Variants in AKAP11 observed in about 807,000 individuals in gnomAD.
AKAP11 encodes the protein A-kinase anchoring protein 11.
A neutral mutation model predicts 146.1 loss-of-function variants in AKAP11; 36 were observed. That is an observed-to-expected ratio of 0.25 (90% CI 0.19 to 0.33). AKAP11 has a LOEUF of 0.33. Ranked by LOEUF, AKAP11 falls within the 10% of genes least tolerant of loss-of-function variation. AKAP11 has a pLI of 1.00. For synonymous variants in AKAP11, 780 were observed against 786.5 expected, an observed-to-expected ratio of 0.99 and a Z score of 0.14; for missense variants, 2,201 against 2,197.0, an observed-to-expected ratio of 1.00 and a Z score of -0.04.
rs772644842 is a variant in AKAP11 at position 42,301,449 on chromosome 13, T to A, written c.2703T>A (p.Asp901Glu). ...MTSLEVTKMV[D>E]ERTDYLTKSL... ...CATTGGAAGTTACAAAAATGGTTGA[T>A]GAACGTACAGATTATTTAACTAAAT... is the stretch of plus-strand genomic sequence containing the variant. The change falls in exon 8 of 13, where the codon GAT becomes GAA. Residue 901 changes from aspartate to glutamate, a missense_variant. Coordinates refer to ENST00000025301, the MANE Select transcript of AKAP11 (RefSeq NM_016248.4). 1.2e-6 allele frequency: 2 copies of A among 1,613,372 alleles called. No individual in the cohort carries two copies. Among genetic ancestry groups the A allele is most frequent in the African/African-American group, 2.7e-5 (2 of 74,870 alleles).
intron 1 of AKAP11, among the ~76,000 whole-genome samples, chr13:42,281,062 T>C (rs1959048731): frequency 6.6e-6 from 1 of 152,154 alleles, no homozygotes; most frequent in Non-Finnish European, 1.5e-5. Flanking sequence ...TGGAAGTGTC[T>C]AATAGGAAAT....
chr13:42,302,236 T>C lies in AKAP11; in HGVS notation c.3490T>C (p.Leu1164=), dbSNP rs1203712495. 6.2e-7 allele frequency: 1 copy of C among 1,614,080 alleles called. No homozygotes were observed. Among genetic ancestry groups the C allele is most frequent in the East Asian group, 2.2e-5 (1 of 44,886 alleles). The change falls in exon 8 of 13, where the codon TTG becomes CTG. Residue 1164 remains leucine, a synonymous_variant. Coordinates refer to ENST00000025301, the MANE Select transcript of AKAP11 (RefSeq NM_016248.4). The stretch of plus-strand genomic sequence containing the variant: ...TACTATAGAAAAAGAAGAGTTCATG[T>C]TGAAACTCATGCGATCTCTTTCTGA... ...QNTIEKEEFM[L]KLMRSLSEEV... is the part of the protein sequence containing the mutation.
At chr13:42,293,402 A>G (rs959030657) in intron 4 of AKAP11, among the ~76,000 whole-genome samples, 1 of 152,122 alleles carries the variant, frequency 6.6e-6, no homozygotes, top group Admixed American at 6.5e-5. Flanking sequence ...ATTCCTTGAG[A>G]AATTCTCTAT....
intron 1 of AKAP11, among the ~76,000 whole-genome samples, chr13:42,273,783 G>A (rs1298879693): frequency 2.0e-5 from 3 of 152,032 alleles, no homozygotes; most frequent in Admixed American, 6.6e-5. Context: ...GAAAAAATAC[G>A]GTACTTTTAA....
At position 42,321,893 on chromosome 13, in the gene AKAP11, A is replaced by G. The variant is rs1005632786; in HGVS notation, c.*2665A>G. The G allele has an allele frequency of 2.8e-4, 43 of 152,310 alleles. No homozygotes were observed. Among genetic ancestry groups the G allele is most frequent in the African/African-American group, 9.2e-4 (38 of 41,450 alleles). The allele number at this position is 152,310 out of a possible 1,614,324, so 9.4% of individuals were successfully genotyped here. A position where few individuals can be genotyped will look rare whatever the true frequency, so the allele number is the denominator to read the frequency against. Reference sequence around the variant, plus strand: ...GTTTTTACCAGTTTCAAAACCTTCAAGTGATATGTGGAAAAAAGTGAATGA... The same window carrying G: ...GTTTTTACCAGTTTCAAAACCTTCAGGTGATATGTGGAAAAAAGTGAATGA... On this transcript the variant is annotated 3_prime_UTR_variant, in exon 13 of 13. Coordinates refer to ENST00000025301, the MANE Select transcript of AKAP11 (RefSeq NM_016248.4).
chr13:42,289,104 C>A (rs991332985), intron 3 of AKAP11, among the ~76,000 whole-genome samples: 4 of 152,022 alleles, frequency 2.6e-5, no homozygotes, highest in African/African-American at 7.2e-5. Context: ...TCCTTTTTTT[C>A]CCCCAACAAC....
chr13:42,303,275 C>G lies in AKAP11; in HGVS notation c.4529C>G (p.Ser1510Cys). Residue 1510 changes from serine (S) to cysteine (C), a missense_variant, in exon 8 of 13, where the codon TCT becomes TGT. Coordinates refer to ENST00000025301, the MANE Select transcript of AKAP11 (RefSeq NM_016248.4). ...ECHVTPELPK[S>C]LQPSSQNHRF... The stretch of plus-strand genomic sequence containing the variant: ...CACGTTACACCAGAATTGCCTAAGT[C>G]TCTTCAGCCTTCCTCACAAAATCAC... 1 of 1,613,330 alleles carries G rather than the reference C, an allele frequency of 6.2e-7. No homozygotes were observed. Among genetic ancestry groups the G allele is most frequent in the South Asian group, 1.1e-5 (1 of 91,058 alleles).
intron 1 of AKAP11, among the ~76,000 whole-genome samples, chr13:42,280,578 T>G (rs1173955129): frequency 2.0e-5 from 3 of 152,238 alleles, no homozygotes; most frequent in Non-Finnish European, 4.4e-5. Context: ...CAGCAGATGT[T>G]TGAATGCCTA....
Position 42,299,868 on chromosome 13 carries a change from T to C in AKAP11, c.1122T>C (p.Phe374=). 2.5e-6 allele frequency: 4 copies of C among 1,613,876 alleles called. No homozygotes were observed. Among genetic ancestry groups the C allele is most frequent in the Non-Finnish European group, 2.5e-6 (3 of 1,179,870 alleles). ...AACAAACTTTAGAGACTTGCCTGTT[T>C]AACAAAGATCCCGTCATAGGGAAGT... ...ELEQTLETCL[F]NKDPVIGKSS... The change falls in exon 8 of 13, where the codon TTT becomes TTC. Residue 374 remains phenylalanine (F), a synonymous_variant. Transcript: ENST00000025301.
chr13:42,301,832 T>C lies in AKAP11; in HGVS notation c.3086T>C (p.Val1029Ala). ...GAGACACTGCCATCTTGTCCAGCTG[T>C]GACAGGTCAGAAATCTGACTTGAAG... Reference protein sequence around the residue: ...SLETLPSCPAVTGQKSDLKES... With the variant: ...SLETLPSCPAATGQKSDLKES... The change falls in exon 8 of 13, where the codon GTG becomes GCG. Residue 1029 changes from valine (V) to alanine (A), a missense_variant. Around this residue, in one of 3 missense-constraint regions of AKAP11, gnomAD observed 1,867 missense variants for 1,833.5 expected, o/e 1.02. Transcript: ENST00000025301. 1 of 1,614,134 alleles carries C rather than the reference T, an allele frequency of 6.2e-7. No individual in the cohort carries two copies. Among genetic ancestry groups the C allele is most frequent in the African/African-American group, 1.3e-5 (1 of 75,054 alleles).
At chr13:42,293,735 A>G (rs1959334630) in intron 4 of AKAP11, among the ~76,000 whole-genome samples, 1 of 152,180 alleles carries the variant, frequency 6.6e-6, no homozygotes, top group Non-Finnish European at 1.5e-5. Context: ...ACCAATGGGA[A>G]AGATAAAACT....
At chr13:42,312,541 A>ACT (rs763031912) in intron 9 of AKAP11, among the ~76,000 whole-genome samples, 7 of 152,208 alleles carry the variant, frequency 4.6e-5, no homozygotes, top group Admixed American at 1.3e-4. Flanking sequence ...AATAGTTAGA[A>ACT]AAGGTCTGTT....
In AKAP11 at chr13:42,301,444, G is replaced by C; in HGVS notation, c.2698G>C (p.Val900Leu). The change falls in exon 8 of 13, where the codon GTT becomes CTT. Residue 900 changes from valine (V) to leucine (L), a missense_variant. Val to Leu is a conservative substitution (Grantham distance 32). Coordinates refer to ENST00000025301, the MANE Select transcript of AKAP11 (RefSeq NM_016248.4). The stretch of plus-strand genomic sequence containing the variant: ...GACATCATTGGAAGTTACAAAAATG[G>C]TTGATGAACGTACAGATTATTTAAC... ...SMTSLEVTKM[V>L]DERTDYLTKS... 6.2e-7 allele frequency: 1 copy of C among 1,613,256 alleles called. No homozygotes were observed. The highest frequency in any genetic ancestry group is 8.5e-7 in the Non-Finnish European group (1 of 1,179,758).
rs1357745684 is a variant in AKAP11 at position 42,321,480 on chromosome 13, G to A, written c.*2252G>A. 6.6e-6 allele frequency: 1 copy of A among 152,212 alleles called. No individual in the cohort carries two copies. Among genetic ancestry groups the A allele is most frequent in the Admixed American group, 6.6e-5 (1 of 15,264 alleles). The allele number at this position is 152,212 out of a possible 1,614,324, so 9.4% of individuals were successfully genotyped here. A position where few individuals can be genotyped will look rare whatever the true frequency, so the allele number is the denominator to read the frequency against. Reference sequence around the variant, plus strand: ...ACACTTACATCAATTCAGTGCAGGGGCATAGAATAAAATATTAAATATTGG... The same window carrying A: ...ACACTTACATCAATTCAGTGCAGGGACATAGAATAAAATATTAAATATTGG... On this transcript the variant is annotated 3_prime_UTR_variant, in exon 13 of 13. Coordinates refer to ENST00000025301, the MANE Select transcript of AKAP11 (RefSeq NM_016248.4).
intron 8 of AKAP11, 120 bp downstream of exon 8, chr13:42,303,983 T>A: frequency 7.9e-7 from 1 of 1,261,032 alleles, no homozygotes; most frequent in Non-Finnish European, 1.1e-6. Context: ...AACAAAAGTT[T>A]TCCCTGTTGC....
chr13:42,280,792 A>G (rs971293760), intron 1 of AKAP11, among the ~76,000 whole-genome samples: 1 of 152,200 alleles, frequency 6.6e-6, no homozygotes, highest in African/African-American at 2.4e-5. Context: ...GTGCGTGAAT[A>G]GTAAGTAGCA....
Position 42,295,642 on chromosome 13 carries a change from C to T in AKAP11, c.169-53C>T, listed in dbSNP as rs372229689. 2.8e-5 allele frequency: 42 copies of T among 1,517,044 alleles called. No individual in the cohort carries two copies. In the African/African-American group the frequency reaches 4.5e-4, roughly 16 times the overall value. The allele number at this position is 1,517,044 out of a possible 1,614,324, so 94.0% of individuals were successfully genotyped here. ...TCCTGTTTGTCAGCTCTGTCACCAG[C>T]CTGAAAGATTTAAAAATTCAAATTA... On this transcript the variant is annotated intron_variant, in intron 4 of 12. Coordinates refer to ENST00000025301, the MANE Select transcript of AKAP11 (RefSeq NM_016248.4).
Position 42,319,109 on chromosome 13 carries a change from A to G in AKAP11, c.5587A>G (p.Lys1863Glu). 16 of 1,613,896 alleles carry G rather than the reference A, an allele frequency of 9.9e-6. No homozygotes were observed. The highest frequency in any genetic ancestry group is 1.4e-5 in the Non-Finnish European group (16 of 1,179,908). ...TTAGCTTTCAAAACAATTACAAGAG[A>G]AAGGATGGAAAGTGGGAGACCTCCT... ...FMLLSKQLQE[K>E]GWKVGDLLQA... is the part of the protein sequence containing the mutation. Residue 1863 changes from lysine to glutamate, a missense_variant, in exon 13 of 13, where the codon AAA becomes GAA. By Grantham distance (56) the Lys-to-Glu change is moderately conservative. Around this residue, in one of 3 missense-constraint regions of AKAP11, gnomAD observed 1,867 missense variants for 1,833.5 expected, o/e 1.02. Coordinates refer to ENST00000025301, the MANE Select transcript of AKAP11 (RefSeq NM_016248.4).
intron 4 of AKAP11, 111 bp from the exon 5 acceptor site, chr13:42,295,584 A>AG (rs3835266): frequency 0.67 from 679,272 of 1,019,438 alleles, 228,726 homozygotes; most frequent in East Asian, 0.79. Flanking sequence ...ATCCTTTTCA[A>AG]GCAGACAGCA....
Sources: gnomAD v4.1 joint callset for allele counts (sites outside exome capture counted in the v4.1 genomes callset) on GRCh38, gnomAD v4.1.1 for gene constraint, gnomAD v4.1.1 regional missense constraint, MANE v1.5 for transcripts, NCBI Gene and HGNC (gene_info 2026-07-23, HGNC 2026-07-21) for gene names.